Variants in TMEM163 observed in about 807,000 individuals in gnomAD.
TMEM163 encodes the protein transmembrane protein 163.
Under a neutral mutation model 29.3 loss-of-function variants are expected in TMEM163, and 17 were observed. That is an observed-to-expected ratio of 0.58 (90% CI 0.40 to 0.87). TMEM163 has a LOEUF of 0.87. Ranked by LOEUF, TMEM163 falls within the 40% of genes least tolerant of loss-of-function variation. The pLI, the probability that TMEM163 is intolerant of heterozygous loss-of-function variation, is 0.00. For synonymous variants in TMEM163, 157 were observed against 160.6 expected, an observed-to-expected ratio of 0.98 and a Z score of 0.17; for missense variants, 303 against 381.5, an observed-to-expected ratio of 0.79 and a Z score of 1.71.
chr2:134,536,373 G>A (rs1290706770), intron 4 of TMEM163, among the ~76,000 whole-genome samples: 2 of 152,188 alleles, frequency 1.3e-5, no homozygotes, highest in East Asian at 3.9e-4. Context: ...CAGTGACTGA[G>A]GTTGGGGCTG....
intron 4 of TMEM163, among the ~76,000 whole-genome samples, chr2:134,526,219 AAGG>A (rs1166019255): frequency 6.6e-6 from 1 of 152,328 alleles, no homozygotes; most frequent in East Asian, 1.9e-4. Flanking sequence ...GGGAGAAGAA[AAGG>A]AGTTTTTCCT....
chr2:134,594,543 G>A (rs553426047), intron 2 of TMEM163, among the ~76,000 whole-genome samples: 5 of 152,186 alleles, frequency 3.3e-5, no homozygotes, highest in South Asian at 2.1e-4. Flanking sequence ...CACACACAGC[G>A]GGATAAAAAC....
chr2:134,628,364 C>T (rs1476679759), intron 2 of TMEM163, among the ~76,000 whole-genome samples: 1 of 152,260 alleles, frequency 6.6e-6, no homozygotes, highest in Non-Finnish European at 1.5e-5. Flanking sequence ...AAGGCTGGCC[C>T]TTGGCCAGAG....
At chr2:134,680,388 G>A (rs2104874902) in intron 2 of TMEM163, among the ~76,000 whole-genome samples, 1 of 151,940 alleles carries the variant, frequency 6.6e-6, no homozygotes, top group South Asian at 2.1e-4. Flanking sequence ...CTGTATGGAG[G>A]CTGTAGTGAG....
chr2:134,574,171 C>T (rs144764627), intron 2 of TMEM163, among the ~76,000 whole-genome samples: 1 of 152,244 alleles, frequency 6.6e-6, no homozygotes, highest in African/African-American at 2.4e-5. Context: ...GGCAACAGAG[C>T]GGGTGCATAC....
At chr2:134,711,774 T>C (rs1443024333) in intron 2 of TMEM163, among the ~76,000 whole-genome samples, 1 of 152,226 alleles carries the variant, frequency 6.6e-6, no homozygotes, top group African/African-American at 2.4e-5. Flanking sequence ...TTGCCCAATA[T>C]TTCTTCTCAT....
At chr2:134,471,267 T>C (rs1400848497) in intron 5 of TMEM163, among the ~76,000 whole-genome samples, 4 of 152,208 alleles carry the variant, frequency 2.6e-5, no homozygotes, top group African/African-American at 7.2e-5. Context: ...CCCAATGTGA[T>C]AGTATTTGGA....
chr2:134,502,854 G>A (rs780024008), intron 5 of TMEM163, 47 bp downstream of exon 5: 9 of 1,560,662 alleles, frequency 5.8e-6, no homozygotes, highest in South Asian at 5.7e-5. Context: ...CAGCCCAGGG[G>A]GCCAGCGCTG....
At chr2:134,650,178 T>C (rs944772441) in intron 2 of TMEM163, among the ~76,000 whole-genome samples, 5 of 152,074 alleles carry the variant, frequency 3.3e-5, no homozygotes, top group African/African-American at 9.7e-5. Context: ...AGTATGTATA[T>C]GTATGTGTAT....
intron 2 of TMEM163, among the ~76,000 whole-genome samples, chr2:134,648,304 C>CCTCTTCTCTCCTCTTCTCTT (rs1683382524): frequency 7.0e-6 from 1 of 143,110 alleles, no homozygotes; most frequent in Non-Finnish European, 1.5e-5. Context: ...CACTGCTTCT[C>CCTCTTCTCTCCTCTTCTCTT]CTCTTCTCTT....
At chr2:134,627,256 C>A (rs1428916078) in intron 2 of TMEM163, among the ~76,000 whole-genome samples, 5 of 152,124 alleles carry the variant, frequency 3.3e-5, no homozygotes, top group African/African-American at 4.8e-5. Context: ...GAGTGTTAAA[C>A]TTTTTAATTT....
intron 4 of TMEM163, among the ~76,000 whole-genome samples, chr2:134,512,032 T>C (rs759923845): frequency 6.6e-6 from 1 of 152,188 alleles, no homozygotes; most frequent in Admixed American, 6.5e-5. Flanking sequence ...TGTGTGCAGA[T>C]ACAACCTATG....
chr2:134,485,582 C>A (rs1456202415), intron 5 of TMEM163, among the ~76,000 whole-genome samples: 6 of 152,176 alleles, frequency 3.9e-5, no homozygotes, highest in Admixed American at 6.5e-5. Context: ...GGCACAATTT[C>A]TTCTTCCTCC....
chr2:134,651,961 T>C (rs1395841245), intron 2 of TMEM163, among the ~76,000 whole-genome samples: 8 of 118,926 alleles, frequency 6.7e-5, no homozygotes, highest in Non-Finnish European at 1.3e-4. Flanking sequence ...TGTAGTATAG[T>C]TTGAAGTCAG....
At position 134,713,211 on chromosome 2, in the gene TMEM163, A is replaced by G. The variant is rs1553497473; in HGVS notation, c.311T>C (p.Val104Ala). The change falls in exon 2 of 8, where the codon GTG becomes GCG. Residue 104 changes from valine (V) to alanine (A), a missense_variant. Physicochemically the swap from Val to Ala is moderately conservative, Grantham distance 64. Around this residue, in one of 2 missense-constraint regions of TMEM163, gnomAD observed 203 missense variants for 294.3 expected, o/e 0.69. Transcript: ENST00000281924. Reference protein sequence around the residue: ...FSIIVTLALAVAAFTVSVMRY... With the variant: ...FSIIVTLALAAAAFTVSVMRY... ...CCCTTGATACTCACTAAAGGCAGCC[A>G]CCGCGAGGGCCAGGGTGACAATGAT... The G allele has an allele frequency of 1.2e-6, 2 of 1,614,094 alleles. No individual in the cohort carries two copies. The highest frequency in any genetic ancestry group is 1.7e-6 in the Non-Finnish European group (2 of 1,180,004).
intron 2 of TMEM163, among the ~76,000 whole-genome samples, chr2:134,592,479 T>C (rs1471423091): frequency 6.6e-6 from 1 of 152,202 alleles, no homozygotes; most frequent in Non-Finnish European, 1.5e-5. Flanking sequence ...AGAGTCAGGT[T>C]GGAATTTAGT....
intron 6 of TMEM163, among the ~76,000 whole-genome samples, chr2:134,462,866 G>A (rs1686580309): frequency 6.6e-6 from 1 of 152,232 alleles, no homozygotes; most frequent in Non-Finnish European, 1.5e-5. Flanking sequence ...TGGGGCCAGG[G>A]ACTCTTGCTG....
At chr2:134,571,089 C>A (rs1463704175) in intron 2 of TMEM163, among the ~76,000 whole-genome samples, 1 of 152,122 alleles carries the variant, frequency 6.6e-6, no homozygotes, top group Non-Finnish European at 1.5e-5. Context: ...CTTGGCATCA[C>A]CTCAAAGATA....
chr2:134,490,403 G>A (rs1487985905), intron 5 of TMEM163, among the ~76,000 whole-genome samples: 2 of 152,086 alleles, frequency 1.3e-5, no homozygotes, highest in Non-Finnish European at 2.9e-5. Context: ...CAAGGAGCAG[G>A]TCCAGGGGTC....
Sources: gnomAD v4.1 joint callset for allele counts (sites outside exome capture counted in the v4.1 genomes callset) on GRCh38, gnomAD v4.1.1 for gene constraint, gnomAD v4.1.1 regional missense constraint, MANE v1.5 for transcripts, NCBI Gene and HGNC (gene_info 2026-07-23, HGNC 2026-07-21) for gene names.